Variants in GAB1 observed in about 807,000 individuals in gnomAD.
GAB1 encodes GRB2-associated-binding protein 1.
GAB1 carries 19 observed loss-of-function variants against 66.5 expected under a neutral mutation model. That is an observed-to-expected ratio of 0.29 (90% CI 0.20 to 0.42). The LOEUF (loss-of-function observed/expected upper bound fraction) is 0.42, where lower values mean the gene tolerates loss of function less well. Among genes scored for constraint, GAB1 ranks in the 10% least tolerant of loss-of-function variants. GAB1 has a pLI of 1.00. For synonymous variants in GAB1, 294 were observed against 301.4 expected (o/e 0.98, Z 0.25); for missense variants, 732 against 858.5 (o/e 0.85, Z 1.84).
At chr4:143,412,585 T>C (rs571765231) in intron 1 of GAB1, among the ~76,000 whole-genome samples, 2 of 152,254 alleles carry the variant, frequency 1.3e-5, no homozygotes, top group African/African-American at 2.4e-5. Context: ...CAAAGAAAAA[T>C]TGAATTGCAA....
chr4:143,396,392 A>G (rs1454175076), intron 1 of GAB1, among the ~76,000 whole-genome samples: 3 of 152,200 alleles, frequency 2.0e-5, no homozygotes, highest in Admixed American at 6.5e-5. Flanking sequence ...CAGCAGATGG[A>G]AATTAGGCAG....
intron 1 of GAB1, among the ~76,000 whole-genome samples, chr4:143,411,572 T>C (rs1239228050): frequency 6.6e-6 from 1 of 152,220 alleles, no homozygotes; most frequent in Non-Finnish European, 1.5e-5. Context: ...GGCAAGGCAG[T>C]GTACGGCTTT....
chr4:143,388,812 TTAAC>T (rs1254244239), intron 1 of GAB1, among the ~76,000 whole-genome samples: 1 of 152,326 alleles, frequency 6.6e-6, no homozygotes, highest in Non-Finnish European at 1.5e-5. Context: ...AAAAATCTAT[TTAAC>T]TGTTTTCTTC....
intron 8 of GAB1, among the ~76,000 whole-genome samples, chr4:143,463,475 T>C (rs1735608191): frequency 6.6e-6 from 1 of 151,608 alleles, no homozygotes; most frequent in South Asian, 2.1e-4. Context: ...ATACAAAAAT[T>C]AGCCGGGCGT....
chr4:143,415,889 GA>G, intron 2 of GAB1, 118 bp downstream of exon 2: 1 of 814,804 alleles, frequency 1.2e-6, no homozygotes, highest in South Asian at 2.2e-5. Context: ...TTTATAATAG[GA>G]ACTTGACATT....
intron 8 of GAB1, among the ~76,000 whole-genome samples, chr4:143,463,737 G>A (rs1049875619): frequency 1.4e-4 from 22 of 152,102 alleles, no homozygotes; most frequent in Non-Finnish European, 2.6e-4. Context: ...AAAATACTGG[G>A]TGAAAGGCTA....
chr4:143,390,085 A>G (rs900359451), intron 1 of GAB1, among the ~76,000 whole-genome samples: 2 of 152,238 alleles, frequency 1.3e-5, no homozygotes, highest in Non-Finnish European at 2.9e-5. Context: ...TTTTGAATTA[A>G]TAATCCAGTA....
intron 6 of GAB1, 58 bp from the exon 7 acceptor site, chr4:143,459,327 T>G: frequency 2.1e-6 from 2 of 972,102 alleles, no homozygotes; most frequent in East Asian, 2.4e-5. Context: ...AGAGAGAATC[T>G]TGTTTGTTTT....
chr4:143,344,358 C>T (rs1169258468), intron 1 of GAB1, among the ~76,000 whole-genome samples: 2 of 152,220 alleles, frequency 1.3e-5, no homozygotes, highest in Admixed American at 6.5e-5. Flanking sequence ...CTCGCATCAA[C>T]ATGGCGCCTA....
chr4:143,376,097 G>A (rs181195874), intron 1 of GAB1, among the ~76,000 whole-genome samples: 198 of 151,578 alleles, frequency 1.3e-3, no homozygotes, highest in Non-Finnish European at 1.6e-4. Flanking sequence ...CCACACCAGC[G>A]CCAGCACCCC....
chr4:143,382,690 G>C (rs1404213666), intron 1 of GAB1, among the ~76,000 whole-genome samples: 1 of 152,148 alleles, frequency 6.6e-6, no homozygotes, highest in East Asian at 1.9e-4. Context: ...GTCAGAGAAA[G>C]TCTGAGAAAC....
chr4:143,443,780 T>C (rs1490449946), intron 6 of GAB1, among the ~76,000 whole-genome samples: 1 of 152,228 alleles, frequency 6.6e-6, no homozygotes, highest in Non-Finnish European at 1.5e-5. Context: ...ACCAGTAACA[T>C]TCTAGTCTTG....
intron 1 of GAB1, among the ~76,000 whole-genome samples, chr4:143,373,891 ACCTTTC>A (rs1730296338): frequency 7.1e-6 from 1 of 140,958 alleles, no homozygotes; most frequent in African/African-American, 2.7e-5. Flanking sequence ...ATATATTTTT[ACCTTTC>A]TAACATTGCA....
In GAB1 at chr4:143,440,503, G is replaced by A. The variant is rs140107356; in HGVS notation, c.1585+121G>A. 9.1e-5 allele frequency: 86 copies of A among 948,246 alleles called. No homozygotes were observed. In the East Asian group the frequency reaches 1.2e-3, roughly 13 times the overall value. 58.7% of individuals were successfully genotyped at this position (948,246 alleles called of 1,614,324 possible). ...TTCTGAAATATTTCATAGTTCCATA[G>A]CCATCAAGTTATTTAAGCAAAGCAG... On this transcript the variant is annotated intron_variant, in intron 6 of 9. Transcript: ENST00000262994.
At chr4:143,389,095 C>G (rs1304439930) in intron 1 of GAB1, among the ~76,000 whole-genome samples, 1 of 152,244 alleles carries the variant, frequency 6.6e-6, no homozygotes, top group Non-Finnish European at 1.5e-5. Flanking sequence ...TCACATTATA[C>G]TCACAGAAGG....
intron 6 of GAB1, among the ~76,000 whole-genome samples, chr4:143,441,362 A>G (rs142019924): frequency 6.6e-6 from 1 of 152,244 alleles, no homozygotes; most frequent in South Asian, 2.1e-4. Context: ...GCACATTTGA[A>G]AAGTCTCATG....
intron 1 of GAB1, among the ~76,000 whole-genome samples, chr4:143,361,762 C>T (rs148701994): frequency 7.5e-4 from 114 of 152,160 alleles, no homozygotes; most frequent in African/African-American, 2.5e-3. Context: ...GGTTTCTGTA[C>T]GGTTCTTACT....
intron 6 of GAB1, among the ~76,000 whole-genome samples, chr4:143,451,521 G>A (rs772653968): frequency 6.6e-6 from 1 of 152,072 alleles, no homozygotes; most frequent in African/African-American, 2.4e-5. Flanking sequence ...CAAGCTTTGG[G>A]TTAGATTTGT....
At chr4:143,364,409 C>T (rs945088438) in intron 1 of GAB1, among the ~76,000 whole-genome samples, 1 of 152,170 alleles carries the variant, frequency 6.6e-6, no homozygotes, top group South Asian at 2.1e-4. Context: ...TGAGTGATTA[C>T]AGTTTATTTA....
Sources: gnomAD v4.1 joint callset for allele counts (sites outside exome capture counted in the v4.1 genomes callset) on GRCh38, gnomAD v4.1.1 for gene constraint, MANE v1.5 for transcripts, NCBI Gene and HGNC (gene_info 2026-07-23, HGNC 2026-07-21) for gene names.